Variants in TYW3 observed in about 807,000 individuals in gnomAD.
TYW3 encodes tRNA-yW synthesizing protein 3 homolog.
Under a neutral mutation model 23.1 loss-of-function variants are expected in TYW3, and 26 were observed. The ratio of observed to expected loss-of-function variants is 1.13; its 90% confidence interval spans 0.83 to 1.56. The LOEUF is 1.56. Among genes scored for constraint, TYW3 ranks in the 40% most tolerant of loss-of-function variants. The pLI, the probability that TYW3 is intolerant of heterozygous loss-of-function variation, is 0.00. For missense variants in TYW3, 316 were observed against 311.9 expected, an observed-to-expected ratio of 1.01 and a Z score of -0.10; for synonymous variants, 102 against 105.7, an observed-to-expected ratio of 0.97 and a Z score of 0.21.
intron 5 of TYW3, among the ~76,000 whole-genome samples, chr1:74,757,533 G>C (rs146045171): frequency 1.3e-5 from 2 of 152,248 alleles, no homozygotes; most frequent in African/African-American, 2.4e-5. Context: ...ATTTGAAATG[G>C]CTATATTTAC....
chr1:74,750,035 T>C (rs1648723174), intron 4 of TYW3: 1 of 152,266 alleles, frequency 6.6e-6, no homozygotes, highest in Non-Finnish European at 1.5e-5. Flanking sequence ...GTATCCCAGA[T>C]GAAAGCAGAG....
At chr1:74,747,017 A>C (rs1214644494) in intron 3 of TYW3, among the ~76,000 whole-genome samples, 2 of 152,238 alleles carry the variant, frequency 1.3e-5, no homozygotes, top group Non-Finnish European at 2.9e-5. Flanking sequence ...GGTTAGAGAA[A>C]ATAGCAAGGG....
At chr1:74,758,066 G>A (rs1649012235) in intron 5 of TYW3, among the ~76,000 whole-genome samples, 1 of 152,200 alleles carries the variant, frequency 6.6e-6, no homozygotes, top group African/African-American at 2.4e-5. Flanking sequence ...ATCAGTGAAT[G>A]GTTCGGTTTA....
intron 5 of TYW3, among the ~76,000 whole-genome samples, chr1:74,763,512 T>C (rs184016462): frequency 2.0e-3 from 299 of 152,248 alleles, no homozygotes; most frequent in Non-Finnish European, 2.8e-3. Context: ...AAGAAAAATA[T>C]TGAGAGGAGT....
In TYW3 at chr1:74,764,382, TA is replaced by T; in HGVS notation, c.*272del. 1 of 301,110 alleles carries T rather than the reference TA, an allele frequency of 3.3e-6. No homozygotes were observed. The allele number at this position is 301,110 out of a possible 1,614,324, so 18.7% of individuals were successfully genotyped here. ...GTTTCTCCCAGAAGCACCTGCTTAA[TA>T]AATCAAAGATGTTTGAATGGTGTCT... On this transcript the variant is annotated 3_prime_UTR_variant, in exon 6 of 6. Coordinates refer to ENST00000370867, the MANE Select transcript of TYW3 (RefSeq NM_138467.3).
chr1:74,743,670 T>A (rs1327109409), intron 3 of TYW3, among the ~76,000 whole-genome samples: 1 of 152,172 alleles, frequency 6.6e-6, no homozygotes, highest in African/African-American at 2.4e-5. Flanking sequence ...GTCCCCATGA[T>A]CTGAGTCGAG....
intron 1 of TYW3, among the ~76,000 whole-genome samples, chr1:74,733,938 A>G (rs1384339981): frequency 6.6e-6 from 1 of 152,058 alleles, no homozygotes; most frequent in African/African-American, 2.4e-5. Flanking sequence ...TTTTACGCAG[A>G]GAAAAGTACG....
At chr1:74,742,860 G>C (rs1648412451) in intron 3 of TYW3, among the ~76,000 whole-genome samples, 1 of 152,188 alleles carries the variant, frequency 6.6e-6, no homozygotes, top group South Asian at 2.1e-4. Flanking sequence ...GCTGTCCCAG[G>C]ATTCCTTGGA....
At chr1:74,757,096 G>T (rs1285943115) in intron 5 of TYW3, among the ~76,000 whole-genome samples, 1 of 152,248 alleles carries the variant, frequency 6.6e-6, no homozygotes, top group Admixed American at 6.5e-5. Context: ...TGCCCAGATG[G>T]AAGTTTAGTG....
Position 74,749,002 on chromosome 1 carries a change from T to C in TYW3, c.426+180T>C, listed in dbSNP as rs564784444. Among the ~76,000 whole-genome samples, 3 of 152,340 alleles carry C rather than the reference T, an allele frequency of 2.0e-5. No homozygotes were observed. The East Asian group carries it at 5.8e-4, about 29-fold the overall frequency. ...CAAAGTCCAGAGTTTGGATTTACAG[T>C]TGAGGTCTTATTTAATAATATTCTT... is the stretch of plus-strand genomic sequence containing the variant. On this transcript the variant is annotated intron_variant, in intron 4 of 5. Transcript: ENST00000370867.
intron 3 of TYW3, among the ~76,000 whole-genome samples, chr1:74,741,547 G>T (rs753881380): frequency 6.6e-6 from 1 of 150,390 alleles, no homozygotes; most frequent in Non-Finnish European, 1.5e-5. Context: ...AGGTAGAGGG[G>T]AGAGATTTGA....
At chr1:74,740,139 C>T (rs376718031) in intron 3 of TYW3, among the ~76,000 whole-genome samples, 8 of 152,228 alleles carry the variant, frequency 5.3e-5, no homozygotes, top group Non-Finnish European at 7.4e-5. Flanking sequence ...ATGGTATGTC[C>T]GGAGTTTGTT....
intron 3 of TYW3, among the ~76,000 whole-genome samples, chr1:74,741,698 A>C (rs1182105453): frequency 1.3e-5 from 2 of 152,210 alleles, no homozygotes. Flanking sequence ...ATCAAGTAGG[A>C]GTTCATTTGT....
chr1:74,754,034 T>G (rs1188401832), intron 5 of TYW3, among the ~76,000 whole-genome samples: 1 of 152,160 alleles, frequency 6.6e-6, no homozygotes, highest in Non-Finnish European at 1.5e-5. Context: ...AGTAATACTT[T>G]TAAATAAGCA....
At chr1:74,738,243 G>C (rs965620989) in intron 2 of TYW3, among the ~76,000 whole-genome samples, 1 of 152,226 alleles carries the variant, frequency 6.6e-6, no homozygotes, top group African/African-American at 2.4e-5. Flanking sequence ...TAGTGCTGCT[G>C]GTAAGCACTG....
chr1:74,759,281 G>A (rs1557750759), intron 5 of TYW3, among the ~76,000 whole-genome samples: 2 of 152,020 alleles, frequency 1.3e-5, no homozygotes, highest in Admixed American at 1.3e-4. Flanking sequence ...TGGAAATAGG[G>A]GTAACACAGA....
chr1:74,742,626 G>A (rs115113944), intron 3 of TYW3, among the ~76,000 whole-genome samples: 2,119 of 152,184 alleles, frequency 0.014, 25 homozygotes, highest in East Asian at 0.055. Context: ...TCACCTTTCC[G>A]ATGGCTTTGG....
intron 1 of TYW3, 81 bp downstream of exon 1, chr1:74,733,499 G>A (rs1450984335): frequency 1.9e-6 from 3 of 1,546,450 alleles, no homozygotes; most frequent in Non-Finnish European, 2.6e-6. Context: ...GTGACGACCG[G>A]ATCCAGCATG....
chr1:74,761,380 CT>C (rs906990066), intron 5 of TYW3, among the ~76,000 whole-genome samples: 2 of 148,162 alleles, frequency 1.3e-5, no homozygotes, highest in South Asian at 2.1e-4. Flanking sequence ...TTTTTAATTA[CT>C]TTTTTTTAAT....
Sources: gnomAD v4.1 joint callset for allele counts (sites outside exome capture counted in the v4.1 genomes callset) on GRCh38, gnomAD v4.1.1 for gene constraint, MANE v1.5 for transcripts, NCBI Gene and HGNC (gene_info 2026-07-23, HGNC 2026-07-21) for gene names.